The following CNTNAP2 variants were observed in gnomAD, a reference collection of about 807,000 sequenced individuals.
The protein encoded by CNTNAP2 is contactin associated protein 2.
In CNTNAP2, 98 loss-of-function variants were observed where a neutral mutation model predicts 155.2. The ratio of observed to expected loss-of-function variants is 0.63; its 90% CI spans 0.54 to 0.75. The LOEUF is 0.75. Among genes scored for constraint, CNTNAP2 ranks in the 30% least tolerant of loss-of-function variants. The probability of loss-of-function intolerance (pLI) is 0.00; values close to 1 mark genes in which losing one functional copy is unlikely to be tolerated. For synonymous variants in CNTNAP2, 651 were observed against 631.2 expected, an observed-to-expected ratio of 1.03 and a Z score of -0.47; for missense variants, 1,727 against 1,688.1, an observed-to-expected ratio of 1.02 and a Z score of -0.40.
chr7:147,237,824 G>A (rs549315640), intron 8 of CNTNAP2, among the ~76,000 whole-genome samples: 1 of 152,166 alleles, frequency 6.6e-6, no homozygotes, highest in East Asian at 1.9e-4. Flanking sequence ...AAATATACAT[G>A]GGTTATGATT....
chr7:147,024,631 A>G (rs1183931869), intron 3 of CNTNAP2, among the ~76,000 whole-genome samples: 10 of 152,232 alleles, frequency 6.6e-5, no homozygotes, highest in Non-Finnish European at 1.3e-4. Context: ...ATTATATGTC[A>G]AGCATGATGA....
intron 1 of CNTNAP2, among the ~76,000 whole-genome samples, chr7:146,266,613 G>T (rs1303400742): frequency 6.6e-6 from 1 of 152,086 alleles, no homozygotes; most frequent in Non-Finnish European, 1.5e-5. Context: ...AGAGAAAAAA[G>T]AAAAGGATTT....
chr7:147,907,692 T>A (rs1257249334), intron 14 of CNTNAP2, among the ~76,000 whole-genome samples: 1 of 152,196 alleles, frequency 6.6e-6, no homozygotes, highest in East Asian at 1.9e-4. Context: ...ATTTTTGTGA[T>A]CATTAAGAAT....
At chr7:147,047,354 C>A (rs1461720437) in intron 4 of CNTNAP2, among the ~76,000 whole-genome samples, 1 of 150,122 alleles carries the variant, frequency 6.7e-6, no homozygotes, top group South Asian at 2.1e-4. Context: ...ATTTGCTGAC[C>A]TCATGATCCG....
At chr7:147,067,697 C>A (rs1350808163) in intron 4 of CNTNAP2, among the ~76,000 whole-genome samples, 1 of 152,174 alleles carries the variant, frequency 6.6e-6, no homozygotes, top group Non-Finnish European at 1.5e-5. Flanking sequence ...TGAGCTTCAA[C>A]TTCTTTATCC....
intron 1 of CNTNAP2, among the ~76,000 whole-genome samples, chr7:146,399,530 T>C (rs969651163): frequency 3.9e-5 from 6 of 152,216 alleles, no homozygotes; most frequent in Admixed American, 2.6e-4. Context: ...TGAAGATTAT[T>C]CCACTGTGTA....
intron 8 of CNTNAP2, among the ~76,000 whole-genome samples, chr7:147,187,476 C>G (rs1802589756): frequency 6.6e-6 from 1 of 152,124 alleles, no homozygotes; most frequent in Non-Finnish European, 1.5e-5. Context: ...ATGGATGTAG[C>G]TGGAGGCCAT....
At chr7:147,169,212 C>CT (rs1315727642) in intron 8 of CNTNAP2, among the ~76,000 whole-genome samples, 1 of 152,140 alleles carries the variant, frequency 6.6e-6, no homozygotes, top group African/African-American at 2.4e-5. Context: ...GTGGTAAAGT[C>CT]TTTATTATTG....
At chr7:147,546,006 G>T (rs946199569) in intron 11 of CNTNAP2, among the ~76,000 whole-genome samples, 3 of 152,032 alleles carry the variant, frequency 2.0e-5, no homozygotes, top group Non-Finnish European at 4.4e-5. Context: ...TTCACCTTCC[G>T]CCATGATTGT....
At chr7:146,616,680 T>C (rs1799229936) in intron 1 of CNTNAP2, among the ~76,000 whole-genome samples, 1 of 152,204 alleles carries the variant, frequency 6.6e-6, no homozygotes, top group Non-Finnish European at 1.5e-5. Context: ...CATGATTTTG[T>C]CTGAAAACAC....
At chr7:146,989,552 A>T (rs189474303) in intron 3 of CNTNAP2, among the ~76,000 whole-genome samples, 1 of 152,188 alleles carries the variant, frequency 6.6e-6, no homozygotes, top group East Asian at 1.9e-4. Context: ...AAACCCACAA[A>T]AAGCTATTAT....
intron 1 of CNTNAP2, among the ~76,000 whole-genome samples, chr7:146,701,077 T>A (rs1800869509): frequency 6.6e-6 from 1 of 152,076 alleles, no homozygotes; most frequent in Non-Finnish European, 1.5e-5. Flanking sequence ...CAAGGATGAT[T>A]TTTCCAAGTG....
At chr7:147,065,878 T>C (rs937772742) in intron 4 of CNTNAP2, among the ~76,000 whole-genome samples, 1 of 152,144 alleles carries the variant, frequency 6.6e-6, no homozygotes, top group Non-Finnish European at 1.5e-5. Flanking sequence ...TAGTCAATAT[T>C]AAAATTAGGA....
chr7:147,164,237 T>C (rs1485531705), intron 8 of CNTNAP2, among the ~76,000 whole-genome samples: 1 of 152,222 alleles, frequency 6.6e-6, no homozygotes. Flanking sequence ...CAGTTGACAT[T>C]ATTTACTAGG....
At chr7:146,254,620 G>A (rs115645970) in intron 1 of CNTNAP2, among the ~76,000 whole-genome samples, 6,314 of 152,236 alleles carry the variant, frequency 0.041, 401 homozygotes, top group African/African-American at 0.14. Flanking sequence ...AATTAACCAG[G>A]TAAGCACATG....
intron 12 of CNTNAP2, among the ~76,000 whole-genome samples, chr7:147,578,859 GC>G (rs144966008): frequency 0.11 from 17,445 of 151,836 alleles, 2,471 homozygotes; most frequent in African/African-American, 0.34. Flanking sequence ...TCCGTCTTTT[GC>G]CTTCTCTAAG....
At chr7:147,035,637 A>G (rs1169999190) in intron 3 of CNTNAP2, among the ~76,000 whole-genome samples, 2 of 152,158 alleles carry the variant, frequency 1.3e-5, no homozygotes, top group African/African-American at 4.8e-5. Context: ...CAGTAGCGAA[A>G]AGCTCTTCCT....
intron 11 of CNTNAP2, among the ~76,000 whole-genome samples, chr7:147,522,794 A>AC (rs1303530217): frequency 6.6e-6 from 1 of 151,880 alleles, no homozygotes; most frequent in Non-Finnish European, 1.5e-5. Flanking sequence ...AAACAAAAAA[A>AC]AAAAAACCTA....
At chr7:147,356,107 C>T (rs571300631) in intron 9 of CNTNAP2, among the ~76,000 whole-genome samples, 15 of 152,208 alleles carry the variant, frequency 9.9e-5, no homozygotes, top group African/African-American at 3.6e-4. Flanking sequence ...CAGCTTCATC[C>T]CTGGGATGCA....
Sources: allele counts gnomAD v4.1 joint callset (sites outside exome capture counted in the v4.1 genomes callset), GRCh38; gene constraint gnomAD v4.1.1; transcripts MANE v1.5; gene names NCBI Gene and HGNC (gene_info 2026-07-23, HGNC 2026-07-21).